ZBTB20: variants seen among roughly 807,000 people sequenced by gnomAD.
ZBTB20 encodes zinc finger and BTB domain containing 20, also known as zinc finger and BTB domain-containing protein 20.
In ZBTB20, 9 loss-of-function variants were observed where a neutral mutation model predicts 56.9. That is an observed-to-expected ratio of 0.16 (90% CI 0.10 to 0.28). The LOEUF is 0.28. ZBTB20 is among the 10% of genes least tolerant of loss of function. The pLI is 1.00. For synonymous variants in ZBTB20, 417 were observed against 420.7 expected, an observed-to-expected ratio of 0.99 and a Z score of 0.11; for missense variants, 655 against 1,003.0, an observed-to-expected ratio of 0.65 and a Z score of 4.69.
intron 4 of ZBTB20, among the ~76,000 whole-genome samples, chr3:114,895,187 C>T (rs2074823554): frequency 6.6e-6 from 1 of 152,010 alleles, no homozygotes; most frequent in African/African-American, 2.4e-5. Flanking sequence ...AAAATCTTAC[C>T]ACACTAATTT....
chr3:115,113,189 A>C (rs148696843), intron 1 of ZBTB20, among the ~76,000 whole-genome samples: 1 of 152,282 alleles, frequency 6.6e-6, no homozygotes, highest in Admixed American at 6.5e-5. Context: ...TATTCTGGTT[A>C]TTAGTCCCTT....
chr3:115,066,579 G>A (rs1416618535), intron 2 of ZBTB20, among the ~76,000 whole-genome samples: 1 of 152,082 alleles, frequency 6.6e-6, no homozygotes, highest in Non-Finnish European at 1.5e-5. Context: ...AATTGCTGAA[G>A]TGCTTTTTCT....
At chr3:114,363,054 T>C (rs2108345717) in intron 10 of ZBTB20, among the ~76,000 whole-genome samples, 1 of 152,352 alleles carries the variant, frequency 6.6e-6, no homozygotes, top group East Asian at 1.9e-4. Context: ...TAAAAGACAC[T>C]AGTTTTCTCT....
At chr3:114,488,235 T>G (rs1446378948) in intron 7 of ZBTB20, among the ~76,000 whole-genome samples, 2 of 152,160 alleles carry the variant, frequency 1.3e-5, no homozygotes. Context: ...AAGCAGAGCT[T>G]GAGGTGGCCT....
intron 5 of ZBTB20, among the ~76,000 whole-genome samples, chr3:114,794,873 C>G (rs1415060027): frequency 6.6e-6 from 1 of 151,988 alleles, no homozygotes; most frequent in African/African-American, 2.4e-5. Context: ...TTCTATGCCT[C>G]CAGGTGCCCG....
chr3:114,676,771 A>ATTTT (rs397873968), intron 6 of ZBTB20, among the ~76,000 whole-genome samples: 5 of 123,318 alleles, frequency 4.1e-5, no homozygotes, highest in East Asian at 2.3e-4. Context: ...GAACTAGGGG[A>ATTTT]TTTTTTTTTT....
intron 2 of ZBTB20, among the ~76,000 whole-genome samples, chr3:114,989,401 C>G (rs1220409553): frequency 6.6e-6 from 1 of 152,098 alleles, no homozygotes; most frequent in Non-Finnish European, 1.5e-5. Context: ...TGTCAAATAT[C>G]AGATGGTTGT....
chr3:114,591,106 A>G (rs1209292836), intron 6 of ZBTB20, among the ~76,000 whole-genome samples: 1 of 152,176 alleles, frequency 6.6e-6, no homozygotes, highest in Non-Finnish European at 1.5e-5. Context: ...AAAAAAGTCA[A>G]TGTTTTTGAC....
At chr3:114,654,590 G>A (rs1317634926) in intron 6 of ZBTB20, among the ~76,000 whole-genome samples, 2 of 151,970 alleles carry the variant, frequency 1.3e-5, no homozygotes, top group African/African-American at 4.8e-5. Flanking sequence ...CTCTATTCCT[G>A]TATGTTTTAA....
intron 4 of ZBTB20, among the ~76,000 whole-genome samples, chr3:114,826,147 A>G (rs999460974): frequency 1.3e-5 from 2 of 151,764 alleles, no homozygotes; most frequent in Non-Finnish European, 3.0e-5. Flanking sequence ...GTTGTATACT[A>G]AGGTCACAGG....
At chr3:114,629,062 T>C (rs552495827) in intron 6 of ZBTB20, among the ~76,000 whole-genome samples, 1 of 152,332 alleles carries the variant, frequency 6.6e-6, no homozygotes, top group South Asian at 2.1e-4. Context: ...TTTTCACAAA[T>C]GACTTGCCAT....
intron 6 of ZBTB20, among the ~76,000 whole-genome samples, chr3:114,611,327 A>G (rs771317227): frequency 9.2e-5 from 14 of 152,064 alleles, no homozygotes; most frequent in Non-Finnish European, 1.9e-4. Flanking sequence ...TCGACACTCT[A>G]TGGTATATGA....
At chr3:114,903,822 T>A (rs2075218411) in intron 3 of ZBTB20, among the ~76,000 whole-genome samples, 1 of 152,052 alleles carries the variant, frequency 6.6e-6, no homozygotes, top group Non-Finnish European at 1.5e-5. Flanking sequence ...CACCTTTTTA[T>A]GTATTCTAAG....
At chr3:114,565,856 T>A (rs1378789344) in intron 6 of ZBTB20, among the ~76,000 whole-genome samples, 1 of 152,122 alleles carries the variant, frequency 6.6e-6, no homozygotes, top group Admixed American at 6.6e-5. Flanking sequence ...CCCAGTAAGA[T>A]GTTGTCATGC....
chr3:114,581,272 C>T (rs558785021), intron 6 of ZBTB20, among the ~76,000 whole-genome samples: 3 of 151,696 alleles, frequency 2.0e-5, no homozygotes, highest in South Asian at 4.2e-4. Flanking sequence ...AAAATAATTC[C>T]AGAAGGATTA....
intron 11 of ZBTB20, among the ~76,000 whole-genome samples, chr3:114,346,449 TAGAC>T (rs1266034634): frequency 6.8e-6 from 1 of 147,510 alleles, no homozygotes; most frequent in African/African-American, 2.7e-5. Context: ...CTCAAAGAAA[TAGAC>T]AGTTGTGAAA....
At chr3:114,354,132 G>A (rs547249208) in intron 10 of ZBTB20, among the ~76,000 whole-genome samples, 2 of 152,194 alleles carry the variant, frequency 1.3e-5, no homozygotes, top group African/African-American at 2.4e-5. Flanking sequence ...CATAGCCTCA[G>A]TTGTGTAACT....
intron 6 of ZBTB20, among the ~76,000 whole-genome samples, chr3:114,576,681 G>C (rs1016597015): frequency 6.6e-6 from 1 of 151,600 alleles, no homozygotes; most frequent in Non-Finnish European, 1.5e-5. Context: ...AAACAGGCTT[G>C]AATGTTTTTC....
chr3:115,034,210 A>G (rs1051792473), intron 2 of ZBTB20, among the ~76,000 whole-genome samples: 2 of 151,802 alleles, frequency 1.3e-5, no homozygotes, highest in African/African-American at 4.8e-5. Flanking sequence ...TCCACATAAT[A>G]CTGAAAGTCC....
Sources: allele counts gnomAD v4.1 joint callset (sites outside exome capture counted in the v4.1 genomes callset), GRCh38; gene constraint gnomAD v4.1.1; transcripts MANE v1.5; gene names NCBI Gene and HGNC (gene_info 2026-07-23, HGNC 2026-07-21).